Variants in MYO6 observed in about 807,000 individuals in gnomAD.
The protein encoded by MYO6 is unconventional myosin-VI.
MYO6 carries 74 observed loss-of-function variants against 178.7 expected under a neutral mutation model. The ratio of observed to expected loss-of-function variants is 0.41; its 90% CI spans 0.34 to 0.50. The LOEUF (loss-of-function observed/expected upper bound fraction) is 0.50, where lower values mean the gene tolerates loss of function less well. MYO6 is among the 20% of genes least tolerant of loss of function. The pLI, the probability that MYO6 is intolerant of heterozygous loss-of-function variation, is 0.09. For synonymous variants in MYO6, 477 were observed against 504.6 expected (o/e 0.95, Z 0.73); for missense variants, 1,330 against 1,547.4 (o/e 0.86, Z 2.36).
chr6:75,822,060 TA>T (rs1340350296), intron 2 of MYO6, among the ~76,000 whole-genome samples: 2 of 152,100 alleles, frequency 1.3e-5, no homozygotes, highest in Non-Finnish European at 2.9e-5. Context: ...GATTGAATGT[TA>T]TTTTTTTCTG....
At chr6:75,814,660 G>A (rs909933737) in intron 1 of MYO6, among the ~76,000 whole-genome samples, 1 of 151,988 alleles carries the variant, frequency 6.6e-6, no homozygotes, top group African/African-American at 2.4e-5. Context: ...CCAGGAGTTC[G>A]AGACCTGCCT....
chr6:75,854,275 C>CTTTTTTTTTTTTTTTTTTTT (rs61398235), intron 11 of MYO6, among the ~76,000 whole-genome samples: 5 of 45,498 alleles, frequency 1.1e-4, no homozygotes, highest in African/African-American at 2.2e-4. Flanking sequence ...AACTGCATTG[C>CTTTTTTTTTTTTTTTTTTTT]TTTTTTTTTT....
chr6:75,801,940 CA>C (rs78453735), intron 1 of MYO6, among the ~76,000 whole-genome samples: 8,303 of 132,180 alleles, frequency 0.063, 507 homozygotes, highest in African/African-American at 0.16. Flanking sequence ...GACTTCATCT[CA>C]AAAAAAAAAA....
intron 1 of MYO6, among the ~76,000 whole-genome samples, chr6:75,800,494 C>T (rs1769342064): frequency 6.6e-6 from 1 of 152,008 alleles, no homozygotes; most frequent in Non-Finnish European, 1.5e-5. Context: ...TAATACCCAG[C>T]CTGGGTGACA....
rs182319459 is a variant in MYO6, at chr6:75,799,921, A to G, written c.-47-17580A>G. On this transcript the variant is annotated intron_variant, in intron 1 of 34. Transcript: ENST00000369977. ...CACTTTAGTTATTCCCCTTCCCCCA[A>G]TAATTAATTCCAATTCTTTTAATGG... Among the ~76,000 whole-genome samples the G allele has an allele frequency of 3.3e-3, 501 of 152,234 alleles. 4 individuals carry two copies. The highest frequency in any genetic ancestry group is 4.3e-3 in the Non-Finnish European group (290 of 68,028).
intron 1 of MYO6, among the ~76,000 whole-genome samples, chr6:75,794,672 T>G (rs186090792): frequency 1.3e-5 from 2 of 150,272 alleles, no homozygotes; most frequent in East Asian, 4.0e-4. Flanking sequence ...GGCAGTAGTT[T>G]CAGAGAGCAG....
In MYO6 at chr6:75,866,275, C is replaced by CTGTGTGTGAGTG. The variant is rs1554212779; in HGVS notation, c.1675-243_1675-242insAGTGTGTGTGTG. On this transcript the variant is annotated intron_variant, in intron 16 of 34. Transcript: ENST00000369977. ...TTTCTCTCCGTCTCTGTCTCTGTCTCTGTGTGTGTGTGTGTGTGTGTGTGT... is the reference window on the plus strand; with the variant it reads ...TTTCTCTCCGTCTCTGTCTCTGTCTCTGTGTGTGAGTGTGTGTGTGTGTGTGTGTGTGTGTGT... 5.0e-5 allele frequency among the ~76,000 whole-genome samples: 6 copies of CTGTGTGTGAGTG among 119,216 alleles called. No homozygotes were observed. The East Asian group carries it at 1.4e-3, about 27-fold the overall frequency. The allele number at this position is 119,216 out of a possible 152,430, so 78.2% of individuals were successfully genotyped here.
chr6:75,772,698 G>C (rs1035582558), intron 1 of MYO6, among the ~76,000 whole-genome samples: 36 of 152,178 alleles, frequency 2.4e-4, no homozygotes, highest in African/African-American at 8.2e-4. Context: ...TTTTCAGTTG[G>C]AGAGGCAGAG....
chr6:75,817,042 A>C (rs1480111039), intron 1 of MYO6, among the ~76,000 whole-genome samples: 1 of 152,152 alleles, frequency 6.6e-6, no homozygotes, highest in East Asian at 1.9e-4. Flanking sequence ...ACGGTGGCTC[A>C]CGCCTGTAAT....
chr6:75,802,188 G>T (rs1264782302), intron 1 of MYO6, among the ~76,000 whole-genome samples: 2 of 151,938 alleles, frequency 1.3e-5, no homozygotes, highest in Non-Finnish European at 2.9e-5. Flanking sequence ...TATTTCTTTG[G>T]CTGGGCATGG....
chr6:75,758,545 C>T (rs139852583), intron 1 of MYO6, among the ~76,000 whole-genome samples: 1,934 of 152,152 alleles, frequency 0.013, 20 homozygotes, highest in Non-Finnish European at 0.02. Context: ...ACTGCAAGCT[C>T]CGCCTCCTGG....
At position 75,847,091 on chromosome 6, in the gene MYO6, A is replaced by G. The variant is rs900219822; in HGVS notation, c.898-1260A>G. ...AGTCTGCCATACAGCAAATATGTTC[A>G]TTAACTTTTGATTAGAAACAGTTTT... On this transcript the variant is annotated intron_variant, in intron 10 of 34. Coordinates refer to ENST00000369977, the MANE Select transcript of MYO6 (RefSeq NM_004999.4). Among the ~76,000 whole-genome samples, 17 of 152,262 alleles carry G rather than the reference A, an allele frequency of 1.1e-4. No homozygotes were observed. In the South Asian group the frequency reaches 3.3e-3, roughly 30 times the overall value.
At chr6:75,828,736 G>A in intron 4 of MYO6, 123 bp downstream of exon 4, 1 of 724,484 alleles carries the variant, frequency 1.4e-6, no homozygotes, top group Non-Finnish European at 2.5e-6. Flanking sequence ...CTCTTGAATA[G>A]AGTGTGAGGT....
At position 75,822,765 on chromosome 6, in the gene MYO6, T is replaced by C. The variant is rs777336274; in HGVS notation, c.118-17T>C. 6.2e-7 allele frequency: 1 copy of C among 1,610,032 alleles called. No individual in the cohort carries two copies. The highest frequency in any genetic ancestry group is 1.3e-5 in the African/African-American group (1 of 74,842). On this transcript the variant is annotated splice_polypyrimidine_tract_variant and intron_variant, in intron 2 of 34. Transcript: ENST00000369977. The stretch of plus-strand genomic sequence containing the variant: ...TTAAAAGCCTTGAGTTTAATGAGCA[T>C]TTGTTTTGCTTGTTAGACATTTTTG...
At chr6:75,785,230 A>G in intron 1 of MYO6, among the ~76,000 whole-genome samples, 1 of 152,186 alleles carries the variant, frequency 6.6e-6, no homozygotes, top group East Asian at 1.9e-4. Context: ...TTGGTTTTAT[A>G]TGTAGCTTTT....
chr6:75,888,606 TAA>T (rs755692046), intron 25 of MYO6, among the ~76,000 whole-genome samples: 6 of 134,084 alleles, frequency 4.5e-5, no homozygotes, highest in Admixed American at 7.5e-5. Flanking sequence ...GACCCCTGGC[TAA>T]AAAAAAAAAA....
chr6:75,805,173 G>C (rs1769944501), intron 1 of MYO6, among the ~76,000 whole-genome samples: 1 of 151,024 alleles, frequency 6.6e-6, no homozygotes, highest in East Asian at 1.9e-4. Flanking sequence ...TACAGGTGCA[G>C]CTAGAATGCC....
intron 1 of MYO6, among the ~76,000 whole-genome samples, chr6:75,753,339 T>A (rs1032078467): frequency 3.3e-5 from 5 of 151,802 alleles, no homozygotes; most frequent in Non-Finnish European, 7.4e-5. Context: ...TAATATAAAT[T>A]GGTAATAGAT....
intron 11 of MYO6, among the ~76,000 whole-genome samples, chr6:75,851,651 AC>A (rs1344321635): frequency 6.6e-6 from 1 of 151,564 alleles, no homozygotes; most frequent in Non-Finnish European, 1.5e-5. Context: ...AAACAAAAAA[AC>A]CCCCAAAACA....
Sources: gnomAD v4.1 joint callset for allele counts (sites outside exome capture counted in the v4.1 genomes callset) on GRCh38, gnomAD v4.1.1 for gene constraint, MANE v1.5 for transcripts, NCBI Gene and HGNC (gene_info 2026-07-23, HGNC 2026-07-21) for gene names.